Variants in ZSCAN5A observed in about 807,000 individuals in gnomAD.
ZSCAN5A encodes the protein zinc finger and SCAN domain containing 5A, also known as zinc finger and SCAN domain-containing protein 5A.
ZSCAN5A carries 12 observed loss-of-function variants against 23.7 expected under a neutral mutation model. The ratio of observed to expected loss-of-function variants is 0.51; its 90% CI spans 0.32 to 0.82. ZSCAN5A has a LOEUF of 0.82. Ranked by LOEUF, ZSCAN5A falls within the 40% of genes least tolerant of loss-of-function variation. The pLI, the probability that ZSCAN5A is intolerant of heterozygous loss-of-function variation, is 0.03. For synonymous variants in ZSCAN5A, 257 were observed against 239.9 expected, an observed-to-expected ratio of 1.07 and a Z score of -0.66; for missense variants, 597 against 617.9, an observed-to-expected ratio of 0.97 and a Z score of 0.36.
At chr19:56,241,889 CAT>C (rs1235205287) in intron 2 of ZSCAN5A, among the ~76,000 whole-genome samples, 6 of 152,286 alleles carry the variant, frequency 3.9e-5, no homozygotes, top group Admixed American at 3.3e-4. Flanking sequence ...AGATTTGTTA[CAT>C]GAGTGTATTG....
chr19:56,350,909 T>C (rs1365867261), intron 2 of ZSCAN5A, among the ~76,000 whole-genome samples: 21 of 152,128 alleles, frequency 1.4e-4, no homozygotes, highest in Non-Finnish European at 7.3e-5. Context: ...AAACTTTAAA[T>C]GGTGCTGTGA....
chr19:56,341,940 A>G (rs963766830), intron 2 of ZSCAN5A, among the ~76,000 whole-genome samples: 1 of 152,164 alleles, frequency 6.6e-6, no homozygotes. Context: ...ATGCAATAAA[A>G]GTTGAATTTT....
At chr19:56,246,814 T>C (rs1168483059) in intron 2 of ZSCAN5A, 4 of 1,611,084 alleles carry the variant, frequency 2.5e-6, no homozygotes, top group Middle Eastern at 1.7e-4. Context: ...ACCTTCTGCC[T>C]GCGTTGTGGA....
At chr19:56,331,384 G>C (rs2041487043) in intron 2 of ZSCAN5A, among the ~76,000 whole-genome samples, 1 of 151,648 alleles carries the variant, frequency 6.6e-6, no homozygotes, top group African/African-American at 2.4e-5. Context: ...TAATTGCTTT[G>C]AGCAGTATGG....
intron 2 of ZSCAN5A, among the ~76,000 whole-genome samples, chr19:56,298,809 C>T (rs1175756073): frequency 6.6e-6 from 1 of 152,092 alleles, no homozygotes; most frequent in African/African-American, 2.4e-5. Context: ...GGAAATCTTC[C>T]AGAAAATTAA....
intron 2 of ZSCAN5A, chr19:56,343,200 G>A: frequency 5.2e-6 from 4 of 764,358 alleles, no homozygotes; most frequent in Non-Finnish European, 9.1e-6. Flanking sequence ...TTCTCCTCAG[G>A]AGAAGTTATA....
chr19:56,257,707 C>T (rs2036807104), intron 2 of ZSCAN5A, among the ~76,000 whole-genome samples: 2 of 129,998 alleles, frequency 1.5e-5, no homozygotes, highest in Admixed American at 7.7e-5. Context: ...CGCCGGGGGA[C>T]TCTGCAAGCC....
In ZSCAN5A at chr19:56,322,196, T is replaced by C; in HGVS notation, c.-357-5928A>G. 4.8e-6 allele frequency: 4 copies of C among 836,042 alleles called. No individual in the cohort carries two copies. In the South Asian group the frequency reaches 5.3e-5, roughly 11 times the overall value. The allele number at this position is 836,042 out of a possible 1,614,324, so 51.8% of individuals were successfully genotyped here. A position where few individuals can be genotyped will look rare whatever the true frequency, so the allele number is the denominator to read the frequency against. On this transcript the variant is annotated intron_variant, in intron 2 of 6. Transcript: ENST00000587340. ...TGAAATGCAGTCTGCTGCTTCAACA[T>C]AGACCAGGCTCATTTGTTTCCTTCT...
chr19:56,287,085 C>T (rs1195110387), intron 2 of ZSCAN5A, among the ~76,000 whole-genome samples: 1 of 152,212 alleles, frequency 6.6e-6, no homozygotes, highest in African/African-American at 2.4e-5. Flanking sequence ...TCCATGGATT[C>T]TGGAGTCTAA....
intron 2 of ZSCAN5A, among the ~76,000 whole-genome samples, chr19:56,256,678 A>G (rs947728410): frequency 7.9e-5 from 12 of 152,252 alleles, no homozygotes; most frequent in African/African-American, 2.2e-4. Context: ...TTCAAATTTC[A>G]TATCATTCTG....
intron 2 of ZSCAN5A, among the ~76,000 whole-genome samples, chr19:56,227,405 C>T (rs758000763): frequency 3.0e-4 from 46 of 152,116 alleles, no homozygotes; most frequent in Admixed American, 1.4e-3. Context: ...TGCCAGAGGG[C>T]GCCTGCTGCT....
chr19:56,248,453 T>C (rs2036111527), intron 2 of ZSCAN5A, among the ~76,000 whole-genome samples: 1 of 152,004 alleles, frequency 6.6e-6, no homozygotes, highest in South Asian at 2.1e-4. Flanking sequence ...AGAGAGGGGT[T>C]TTGCCACGTT....
chr19:56,289,304 G>T (rs1282689353), intron 2 of ZSCAN5A, among the ~76,000 whole-genome samples: 1 of 152,154 alleles, frequency 6.6e-6, no homozygotes, highest in Non-Finnish European at 1.5e-5. Context: ...TGTAGAAATT[G>T]CTCCAATGCG....
At chr19:56,362,853 A>T (rs932758177) in intron 2 of ZSCAN5A, among the ~76,000 whole-genome samples, 3 of 151,396 alleles carry the variant, frequency 2.0e-5, no homozygotes, top group Admixed American at 2.0e-4. Context: ...CCTGGGCGAC[A>T]GAGTGAGACT....
At chr19:56,255,153 G>T (rs1370459014) in intron 2 of ZSCAN5A, among the ~76,000 whole-genome samples, 1 of 152,048 alleles carries the variant, frequency 6.6e-6, no homozygotes, top group Non-Finnish European at 1.5e-5. Flanking sequence ...ATTTTCACAG[G>T]CTTTCTGCAT....
intron 2 of ZSCAN5A, 112 bp downstream of exon 2, chr19:56,313,171 C>T (rs1026486480): frequency 4.4e-6 from 1 of 225,734 alleles, no homozygotes; most frequent in South Asian, 4.1e-5. Flanking sequence ...ACGGAAACCA[C>T]CCAGTAAGTT....
intron 2 of ZSCAN5A, among the ~76,000 whole-genome samples, chr19:56,232,976 C>G (rs763408256): frequency 7.2e-5 from 11 of 152,200 alleles, no homozygotes; most frequent in Non-Finnish European, 1.3e-4. Flanking sequence ...GCCATCATGT[C>G]TGACTATATG....
At position 56,230,615 on chromosome 19, in the gene ZSCAN5A, A is replaced by ATATGTGTGTGTGTGTGTG. The variant is rs778155664; in HGVS notation, c.-127-5443_-127-5442insCACACACACACACACATA. Among the ~76,000 whole-genome samples the ATATGTGTGTGTGTGTGTG allele has an allele frequency of 1.4e-4, 20 of 147,688 alleles. No individual in the cohort carries two copies. The East Asian group carries it at 1.7e-3, about 12-fold the overall frequency. On this transcript the variant is annotated intron_variant, in intron 2 of 5. Transcript: ENST00000683990. Reference sequence around the variant, plus strand: ...CATCTGGCTTTCTTTTTATTTCTTGATGTGTGTGTGTGTGTGTGTGTGTGT... The same window carrying ATATGTGTGTGTGTGTGTG: ...CATCTGGCTTTCTTTTTATTTCTTGATATGTGTGTGTGTGTGTGTGTGTGTGTGTGTGTGTGTGTGTGT...
chr19:56,334,728 T>C (rs59984478), intron 2 of ZSCAN5A, among the ~76,000 whole-genome samples: 29,512 of 152,050 alleles, frequency 0.19, 3,770 homozygotes, highest in African/African-American at 0.37. Flanking sequence ...AGAGGACTCC[T>C]AGCAAACCAC....
Sources: allele counts gnomAD v4.1 joint callset (sites outside exome capture counted in the v4.1 genomes callset), GRCh38; gene constraint gnomAD v4.1.1; transcripts MANE v1.5; gene names NCBI Gene and HGNC (gene_info 2026-07-23, HGNC 2026-07-21).